Variants in ATM observed in about 807,000 individuals in gnomAD.
ATM encodes the protein ATM serine/threonine kinase.
ATM carries 308 observed loss-of-function variants against 387.0 expected under a neutral mutation model. The ratio of observed to expected loss-of-function variants is 0.80; its 90% CI spans 0.73 to 0.87. The LOEUF (loss-of-function observed/expected upper bound fraction) is 0.87. Ranked by LOEUF, ATM falls within the 40% of genes least tolerant of loss-of-function variation. The probability of loss-of-function intolerance (pLI) is 0.00; values close to 1 mark genes in which losing one functional copy is unlikely to be tolerated. For missense variants in ATM, 3,312 were observed against 3,560.9 expected (o/e 0.93, Z 1.78); for synonymous variants, 1,156 against 1,187.3 (o/e 0.97, Z 0.54).
chr11:108,230,804 T>C (rs961612884), intron 4 of ATM: 1 of 152,252 alleles, frequency 6.6e-6, no homozygotes, highest in African/African-American at 2.4e-5. Flanking sequence ...CAGGCTCAGG[T>C]GATCCTCCTG....
chr11:108,350,502 G>T (rs1198349456), intron 59 of ATM, among the ~76,000 whole-genome samples: 2 of 152,154 alleles, frequency 1.3e-5, no homozygotes, highest in Non-Finnish European at 2.9e-5. Context: ...CCATATGAGT[G>T]GTTCATTAAG....
At position 108,293,375 on chromosome 11, in the gene ATM, G is replaced by A. The variant is rs876658474; in HGVS notation, c.4674G>A (p.Thr1558=). The change falls in exon 31 of 63, where the codon ACG becomes ACA. Residue 1558 remains threonine (T), a synonymous_variant. Coordinates refer to ENST00000675843, the MANE Select transcript of ATM (RefSeq NM_000051.4). The part of the protein sequence containing the change: ...DNKDNENLYI[T]IKLLDPFPDH... ...AGGATAATGAAAACCTCTATATCAC[G>A]ATTAAGCTTTTAGATCCTTTTCCTG... The A allele has an allele frequency of 7.5e-6, 12 of 1,601,032 alleles. No homozygotes were observed. The highest frequency in any genetic ancestry group is 3.3e-5 in the Admixed American group (2 of 59,910).
Position 108,306,687 on chromosome 11 carries a change from ATATTTT to A in ATM, c.5675-1208_5675-1203del, listed in dbSNP as rs546614393. Among the ~76,000 whole-genome samples the A allele has an allele frequency of 1.8e-4, 27 of 152,348 alleles. No individual in the cohort carries two copies. The South Asian group carries it at 5.6e-3, about 32-fold the overall frequency. Reference sequence around the variant, plus strand: ...AATTCTGTTATTGAAAAGGAAATACATATTTTTGTAAAATTTAAATGGTGTATCTTT... The same window carrying A: ...AATTCTGTTATTGAAAAGGAAATACATGTAAAATTTAAATGGTGTATCTTT... On this transcript the variant is annotated intron_variant, in intron 37 of 62. Coordinates refer to ENST00000675843, the MANE Select transcript of ATM (RefSeq NM_000051.4).
chr11:108,270,938 C>T (rs564510816), intron 18 of ATM, 126 bp from the exon 19 acceptor site: 1 of 764,294 alleles, frequency 1.3e-6, no homozygotes, highest in Admixed American at 2.0e-5. Context: ...TTGTGATCTG[C>T]CTGCTTCAGC....
chr11:108,361,467 CA>C (rs1718645827), intron 61 of ATM, among the ~76,000 whole-genome samples: 1 of 151,606 alleles, frequency 6.6e-6, no homozygotes, highest in South Asian at 2.1e-4. Context: ...CATATGGAAC[CA>C]AAAAAGAGCC....
rs2135911500 is a variant in ATM at position 108,301,646 on chromosome 11, A to G, written c.5178-2A>G. 1.9e-6 allele frequency: 3 copies of G among 1,613,544 alleles called. No homozygotes were observed. In the South Asian group the frequency reaches 3.3e-5, roughly 18 times the overall value. On this transcript the variant is annotated splice_acceptor_variant, in intron 34 of 62. Transcript: ENST00000675843. LOFTEE classifies it high-confidence loss of function. ...GATAGGCATTTGAATTGTTTTTTTC[A>G]GTGTCAAAGTTCGATCAGCAGCTGT...
chr11:108,241,742 C>CTT (rs1206745957), intron 5 of ATM, among the ~76,000 whole-genome samples: 711 of 45,316 alleles, frequency 0.016, 17 homozygotes, highest in African/African-American at 0.03. Context: ...TTCTTTCTTT[C>CTT]TTTTTTTTTT....
intron 55 of ATM, among the ~76,000 whole-genome samples, 181 bp from the exon 56 acceptor site, chr11:108,335,663 TG>T: frequency 6.6e-6 from 1 of 152,262 alleles, no homozygotes; most frequent in South Asian, 2.1e-4. Context: ...TCTAAATCAG[TG>T]TAAATGTTGT....
At chr11:108,260,350 T>C (rs2080789911) in intron 16 of ATM, among the ~76,000 whole-genome samples, 1 of 152,184 alleles carries the variant, frequency 6.6e-6, no homozygotes, top group African/African-American at 2.4e-5. Context: ...GCCCATCTGC[T>C]CTTAATTAAC....
chr11:108,341,972 T>C (rs942824132), intron 56 of ATM, among the ~76,000 whole-genome samples: 11 of 152,198 alleles, frequency 7.2e-5, no homozygotes, highest in Non-Finnish European at 4.4e-5. Context: ...CCTGGGTATA[T>C]ACCCTAGAGC....
At position 108,335,871 on chromosome 11, in the gene ATM, T is replaced by C. The variant is rs367575159; in HGVS notation, c.8178T>C (p.Ala2726=). The C allele has an allele frequency of 1.7e-5, 27 of 1,613,882 alleles. No homozygotes were observed. Among genetic ancestry groups the C allele is most frequent in the Non-Finnish European group, 2.3e-5 (27 of 1,179,956 alleles). Residue 2726 remains alanine, a synonymous_variant, in exon 56 of 63, where the codon GCT becomes GCC. Transcript: ENST00000675843. ...VKGRDDLRQD[A]VMQQVFQMCN... ...GCCGTGATGACCTGAGACAAGATGC[T>C]GTCATGCAACAGGTCTTCCAGATGT...
At chr11:108,266,829 C>T (rs1327454144) in intron 16 of ATM, among the ~76,000 whole-genome samples, 3 of 132,692 alleles carry the variant, frequency 2.3e-5, no homozygotes, top group South Asian at 4.7e-4. Flanking sequence ...AGTCTCGCTT[C>T]GTCAAACCCA....
intron 38 of ATM, among the ~76,000 whole-genome samples, chr11:108,309,621 A>G (rs1353015045): frequency 1.3e-5 from 2 of 152,176 alleles, no homozygotes; most frequent in African/African-American, 4.8e-5. Context: ...AAAAGATACT[A>G]TCTATGGTCC....
At chr11:108,233,691 A>T (rs879643795) in intron 4 of ATM, among the ~76,000 whole-genome samples, 2 of 152,066 alleles carry the variant, frequency 1.3e-5, no homozygotes, top group African/African-American at 2.4e-5. Flanking sequence ...TAAAAAAACT[A>T]AAAAAATTAG....
At chr11:108,255,186 A>C (rs933144743) in intron 13 of ATM, among the ~76,000 whole-genome samples, 8 of 152,160 alleles carry the variant, frequency 5.3e-5, no homozygotes, top group African/African-American at 1.9e-4. Flanking sequence ...CATTCAAAGG[A>C]GTGAATTCGG....
chr11:108,227,530 C>A (rs935580590), intron 1 of ATM, 65 bp from the exon 2 acceptor site: 1 of 1,022,416 alleles, frequency 9.8e-7, no homozygotes, highest in Non-Finnish European at 1.5e-6. Context: ...TTTTTCACAC[C>A]TCTTTCTCTC....
At chr11:108,235,087 A>C (rs1363835130) in intron 4 of ATM, among the ~76,000 whole-genome samples, 3 of 152,154 alleles carry the variant, frequency 2.0e-5, no homozygotes, top group Non-Finnish European at 2.9e-5. Flanking sequence ...ACTTGAGGTC[A>C]GGAGTTCAAG....
In ATM at chr11:108,251,078, T is replaced by G. The variant is rs1485431376; in HGVS notation, c.1607+6T>G. 1 of 1,613,990 alleles carries G rather than the reference T, an allele frequency of 6.2e-7. No individual in the cohort carries two copies. The highest frequency in any genetic ancestry group is 1.1e-5 in the South Asian group (1 of 91,080). On this transcript the variant is annotated splice_donor_region_variant and intron_variant, in intron 10 of 62. Transcript: ENST00000675843. The stretch of plus-strand genomic sequence containing the variant: ...TCAGCCTGCAGACCTTCATGGTAAG[T>G]TCAGCATGCATTATGTCTGACTTAC...
intron 39 of ATM, among the ~76,000 whole-genome samples, chr11:108,311,308 G>A (rs1422112073): frequency 6.6e-6 from 1 of 152,112 alleles, no homozygotes; most frequent in Non-Finnish European, 1.5e-5. Context: ...ATACCCATTT[G>A]TGTACAGAAA....
Sources: gnomAD v4.1 joint callset for allele counts (sites outside exome capture counted in the v4.1 genomes callset) on GRCh38, gnomAD v4.1.1 for gene constraint, MANE v1.5 for transcripts, NCBI Gene and HGNC (gene_info 2026-07-23, HGNC 2026-07-21) for gene names.